Variants in MAP2K4 observed in about 807,000 individuals in gnomAD.
The protein encoded by MAP2K4 is dual specificity mitogen-activated protein kinase kinase 4.
In MAP2K4, 4 loss-of-function variants were observed where a neutral mutation model predicts 48.5. The ratio of observed to expected loss-of-function variants is 0.08; its 90% CI spans 0.04 to 0.19. MAP2K4 has a LOEUF of 0.19. Ranked by LOEUF, MAP2K4 falls within the 10% of genes least tolerant of loss-of-function variation. The pLI, the probability that MAP2K4 is intolerant of heterozygous loss-of-function variation, is 1.00. For synonymous variants in MAP2K4, 166 were observed against 173.1 expected, an observed-to-expected ratio of 0.96 and a Z score of 0.32; for missense variants, 258 against 493.3, an observed-to-expected ratio of 0.52 and a Z score of 4.52.
intron 6 of MAP2K4, among the ~76,000 whole-genome samples, chr17:12,111,836 A>ATGACTAGGGGTCAAGT (rs11273576): frequency 0.94 from 143,226 of 152,072 alleles, 68,035 homozygotes; most frequent in East Asian, 1. Context: ...AAAGCACAAT[A>ATGACTAGGGGTCAAGT]TGCTCCTCTT....
In MAP2K4 at chr17:12,142,710, C is replaced by A. The variant is rs1157958844; in HGVS notation, c.*1450C>A. The A allele has an allele frequency of 4.3e-6, 1 of 232,956 alleles. No individual in the cohort carries two copies. The highest frequency in any genetic ancestry group is 1.8e-4 in the South Asian group (1 of 5,526). The allele number at this position is 232,956 out of a possible 1,614,324, so 14.4% of individuals were successfully genotyped here. A position where few individuals can be genotyped will look rare whatever the true frequency, so the allele number is the denominator to read the frequency against. ...AAAAAATACAAAAAGCAAAACAAAA[C>A]CCTCAGCACTGTTACAAGAGGCCAT... On this transcript the variant is annotated 3_prime_UTR_variant, in exon 11 of 11. Coordinates refer to ENST00000353533, the MANE Select transcript of MAP2K4 (RefSeq NM_003010.4).
intron 3 of MAP2K4, among the ~76,000 whole-genome samples, chr17:12,095,084 C>T (rs1033885319): frequency 2.6e-5 from 4 of 152,038 alleles, no homozygotes; most frequent in Admixed American, 1.3e-4. Context: ...GACTATTTCC[C>T]GTCTTTATGA....
chr17:12,044,126 C>A (rs777789048), intron 1 of MAP2K4, among the ~76,000 whole-genome samples: 10 of 152,126 alleles, frequency 6.6e-5, no homozygotes, highest in African/African-American at 1.4e-4. Context: ...AGCTCTGTGC[C>A]CCAAACCTGG....
chr17:12,101,775 A>G (rs1971946528), intron 4 of MAP2K4, among the ~76,000 whole-genome samples: 1 of 152,122 alleles, frequency 6.6e-6, no homozygotes, highest in African/African-American at 2.4e-5. Flanking sequence ...AGTGTATAAT[A>G]TTTTTAATGC....
At chr17:12,055,069 A>T (rs976501923) in intron 2 of MAP2K4, 78 bp downstream of exon 2, 84 of 828,182 alleles carry the variant, frequency 1.0e-4, no homozygotes, top group Non-Finnish European at 1.3e-4. Context: ...TTTTCCAATT[A>T]TGAGATGTCA....
chr17:12,108,710 T>C (rs1459451832), intron 5 of MAP2K4, among the ~76,000 whole-genome samples: 4 of 152,084 alleles, frequency 2.6e-5, no homozygotes, highest in African/African-American at 7.2e-5. Context: ...ATAGATACTT[T>C]GGTTGCATGT....
At chr17:12,058,367 G>C (rs921789624) in intron 2 of MAP2K4, among the ~76,000 whole-genome samples, 2 of 151,768 alleles carry the variant, frequency 1.3e-5, no homozygotes, top group African/African-American at 4.8e-5. Flanking sequence ...GCCTGGCCTA[G>C]AACTTCCTTA....
intron 7 of MAP2K4, among the ~76,000 whole-genome samples, chr17:12,121,854 CT>C (rs1040141280): frequency 5.3e-5 from 8 of 151,802 alleles, no homozygotes; most frequent in Non-Finnish European, 8.8e-5. Flanking sequence ...ACAGACATGC[CT>C]TTTTTTTAAG....
At chr17:12,078,100 A>G (rs1971071729) in intron 2 of MAP2K4, among the ~76,000 whole-genome samples, 1 of 152,208 alleles carries the variant, frequency 6.6e-6, no homozygotes, top group Non-Finnish European at 1.5e-5. Context: ...GAGGAAACAC[A>G]GTTCAGTTCA....
At chr17:12,031,709 T>C (rs17613899) in intron 1 of MAP2K4, among the ~76,000 whole-genome samples, 6,404 of 152,284 alleles carry the variant, frequency 0.042, 187 homozygotes, top group South Asian at 0.099. Context: ...CACTATCTTA[T>C]TTTTTCAGGC....
At chr17:12,053,109 A>C (rs960454050) in intron 1 of MAP2K4, among the ~76,000 whole-genome samples, 25 of 152,196 alleles carry the variant, frequency 1.6e-4, no homozygotes, top group African/African-American at 5.8e-4. Flanking sequence ...AAGACCCGGG[A>C]GTAATCCTCT....
At chr17:12,126,638 C>G (rs1972863473) in intron 8 of MAP2K4, among the ~76,000 whole-genome samples, 1 of 152,182 alleles carries the variant, frequency 6.6e-6, no homozygotes, top group Non-Finnish European at 1.5e-5. Flanking sequence ...CCATCACTTC[C>G]CAAAGATCCA....
At chr17:12,038,206 G>C (rs967195992) in intron 1 of MAP2K4, among the ~76,000 whole-genome samples, 2 of 152,078 alleles carry the variant, frequency 1.3e-5, no homozygotes, top group Non-Finnish European at 2.9e-5. Flanking sequence ...AGTTAAAGTG[G>C]TTTTCAATTT....
In MAP2K4 at chr17:12,062,882, T is replaced by TC. The variant is rs1193655130; in HGVS notation, c.218+7898dup. Reference sequence around the variant, plus strand: ...TGAAATCTTGCTGTGTTTGCATTCTTCCCCCCCACCTCCCCTCTTCCCTTT... The same window carrying TC: ...TGAAATCTTGCTGTGTTTGCATTCTTCCCCCCCCACCTCCCCTCTTCCCTTT... On this transcript the variant is annotated intron_variant, in intron 2 of 10. Transcript: ENST00000353533. Among the ~76,000 whole-genome samples, 8 of 151,818 alleles carry TC rather than the reference T, an allele frequency of 5.3e-5. No homozygotes were observed. In the South Asian group the frequency reaches 6.2e-4, roughly 12 times the overall value.
At chr17:12,080,360 G>A (rs28923176) in intron 2 of MAP2K4, among the ~76,000 whole-genome samples, 11 of 152,192 alleles carry the variant, frequency 7.2e-5, no homozygotes, top group African/African-American at 2.7e-4. Context: ...TTCATTGTGT[G>A]TATGGTTGAT....
chr17:12,052,241 C>T (rs1445340381), intron 1 of MAP2K4, among the ~76,000 whole-genome samples: 2 of 152,178 alleles, frequency 1.3e-5, no homozygotes, highest in African/African-American at 2.4e-5. Context: ...AGTAAATGAT[C>T]AGAATATAAA....
intron 4 of MAP2K4, among the ~76,000 whole-genome samples, chr17:12,095,927 G>GTA (rs1555548606): frequency 5.8e-4 from 83 of 143,840 alleles, no homozygotes; most frequent in African/African-American, 1.9e-3. Flanking sequence ...GTGTGTGTGT[G>GTA]TATTTTAGTA....
intron 2 of MAP2K4, among the ~76,000 whole-genome samples, chr17:12,063,312 C>G (rs7210799): frequency 0.71 from 107,496 of 152,026 alleles, 38,473 homozygotes; most frequent in South Asian, 0.83. Context: ...TAGATCAATG[C>G]AATATAATAG....
chr17:12,128,064 A>G (rs933284660), intron 8 of MAP2K4, among the ~76,000 whole-genome samples: 4 of 152,104 alleles, frequency 2.6e-5, no homozygotes, highest in Non-Finnish European at 4.4e-5. Context: ...GGAAAAAGCA[A>G]AATTTGTAGG....
Sources: gnomAD v4.1 joint callset for allele counts (sites outside exome capture counted in the v4.1 genomes callset) on GRCh38, gnomAD v4.1.1 for gene constraint, MANE v1.5 for transcripts, NCBI Gene and HGNC (gene_info 2026-07-23, HGNC 2026-07-21) for gene names.